PSME4: variants seen among roughly 807,000 people sequenced by gnomAD.
PSME4 encodes proteasome activator subunit 4, also known as proteasome activator complex subunit 4.
In PSME4, 89 loss-of-function variants were observed where a neutral mutation model predicts 253.9. That is an observed-to-expected ratio of 0.35 (90% CI 0.30 to 0.42). The LOEUF (loss-of-function observed/expected upper bound fraction) is 0.42, where lower values mean the gene tolerates loss of function less well. Among genes scored for constraint, PSME4 ranks in the 10% least tolerant of loss-of-function variants. The pLI, the probability that PSME4 is intolerant of heterozygous loss-of-function variation, is 1.00. For synonymous variants in PSME4, 851 were observed against 759.2 expected, an observed-to-expected ratio of 1.12 and a Z score of -1.99; for missense variants, 2,014 against 2,195.2, an observed-to-expected ratio of 0.92 and a Z score of 1.65.
At chr2:53,919,044 G>A (rs1008575550) in intron 20 of PSME4, 107 bp downstream of exon 20, 2 of 1,122,296 alleles carry the variant, frequency 1.8e-6, no homozygotes, top group East Asian at 2.7e-5. Context: ...AAATAAAAAG[G>A]TTAAAGTGAT....
chr2:53,901,316 A>G, intron 28 of PSME4, 34 bp downstream of exon 28: 3 of 1,551,636 alleles, frequency 1.9e-6, no homozygotes, highest in South Asian at 1.1e-5. Context: ...CAGGATTTAC[A>G]CTAAAACTTG....
intron 20 of PSME4, among the ~76,000 whole-genome samples, chr2:53,912,198 T>C (rs1667856825): frequency 6.6e-6 from 1 of 152,178 alleles, no homozygotes; most frequent in South Asian, 2.1e-4. Context: ...ATGAGAAATC[T>C]ACACATATGG....
In PSME4 at chr2:53,934,617, G is replaced by A. The variant is rs140717668; in HGVS notation, c.945C>T (p.Ile315=). 8 of 1,610,028 alleles carry A rather than the reference G, an allele frequency of 5.0e-6. No homozygotes were observed. The highest frequency in any genetic ancestry group is 1.3e-5 in the African/African-American group (1 of 74,852). ...AYDIGHAVIW[I]TAMMGGPSKL... ...ATGTATTACAAACCATCATGGCGGT[G>A]ATCCATATTACAGCATGTCCTATAT... is the stretch of plus-strand genomic sequence containing the variant. The change falls in exon 8 of 47, where the codon ATC becomes ATT. Residue 315 remains isoleucine (I), a synonymous_variant. Transcript: ENST00000404125.
intron 5 of PSME4, 81 bp from the exon 6 acceptor site, chr2:53,936,908 TCTATTATTCTTACTGATAACTACGTTAA>T (rs1669151199): frequency 2.2e-6 from 2 of 926,006 alleles, no homozygotes; most frequent in South Asian, 3.5e-5. Context: ...TTTTTTATAA[TCTATTATTCTTACTGATAACTACGTTAA>T]CTAGAAAAAA....
intron 38 of PSME4, 123 bp downstream of exon 38, chr2:53,888,598 C>A: frequency 1.6e-6 from 1 of 619,492 alleles, no homozygotes; most frequent in Admixed American, 2.6e-5. Context: ...GATCACATCA[C>A]CTTCCAGAAG....
chr2:53,908,671 T>C, intron 22 of PSME4, 106 bp from the exon 23 acceptor site: 1 of 1,444,658 alleles, frequency 6.9e-7, no homozygotes, highest in South Asian at 1.3e-5. Flanking sequence ...CACTGCCCAA[T>C]ATTCTCACCA....
At chr2:53,909,318 T>C (rs1667715063) in intron 21 of PSME4, among the ~76,000 whole-genome samples, 2 of 152,172 alleles carry the variant, frequency 1.3e-5, no homozygotes, top group African/African-American at 4.8e-5. Flanking sequence ...AAATTTCTAT[T>C]AGATTTAGAA....
chr2:53,925,853 T>C (rs948479986), intron 13 of PSME4, 106 bp downstream of exon 13: 6 of 1,276,224 alleles, frequency 4.7e-6, no homozygotes, highest in Non-Finnish European at 6.7e-6. Context: ...GGAGCACCAG[T>C]AGTAGCTAAA....
Position 53,908,418 on chromosome 2 carries a change from T to C in PSME4, c.2686A>G (p.Ile896Val). 1.9e-6 allele frequency: 3 copies of C among 1,613,034 alleles called. No homozygotes were observed. Among genetic ancestry groups the C allele is most frequent in the Non-Finnish European group, 2.5e-6 (3 of 1,179,460 alleles). Residue 896 changes from isoleucine (I) to valine (V), a missense_variant and splice_region_variant, in exon 24 of 47, where the codon ATT (isoleucine) becomes GTT (valine). By Grantham distance (29) the Ile-to-Val change is conservative (BLOSUM62 3). Transcript: ENST00000404125. ...TGGAATTGTAAAAGGTCTCCAATAA[T>C]CTGTGTCAAAGAATTTCAAATTGTA... ...DTKSLFLIIK[I>V]IGDLLQFQGS... is the part of the protein sequence containing the mutation.
chr2:53,937,431 G>A lies in PSME4; in HGVS notation c.655C>T (p.Pro219Ser), dbSNP rs1669175358. 6.2e-7 allele frequency: 1 copy of A among 1,609,234 alleles called. No individual in the cohort carries two copies. The change falls in exon 5 of 47, where the codon CCT becomes TCT. Residue 219 changes from proline to serine, a missense_variant. Physicochemically the swap from Pro to Ser is moderately conservative, Grantham distance 74. This residue lies in a region of PSME4 where 615 missense variants were observed against 594.4 expected (regional missense o/e 1.03). Transcript: ENST00000404125. ...KAITYFEIFL[P>S]TSLPPELHHK... Reference sequence around the variant, plus strand: ...TGAAGTTCTGGAGGAAGGGAGGTAGGAAGAAATATTTCAAAATAAGTGATG... The same window carrying A: ...TGAAGTTCTGGAGGAAGGGAGGTAGAAAGAAATATTTCAAAATAAGTGATG...
chr2:53,962,927 T>C (rs1341832596), intron 1 of PSME4, among the ~76,000 whole-genome samples: 4 of 151,944 alleles, frequency 2.6e-5, no homozygotes, highest in South Asian at 2.1e-4. Flanking sequence ...GGAAAATCAC[T>C]TGAACCCAGG....
At chr2:53,940,358 T>C (rs1396720394) in intron 3 of PSME4, among the ~76,000 whole-genome samples, 1 of 152,086 alleles carries the variant, frequency 6.6e-6, no homozygotes, top group Non-Finnish European at 1.5e-5. Context: ...AAAATACTTT[T>C]ACATCAAAAC....
rs1419969205 is a variant in PSME4, at chr2:53,874,253, C to A, written c.5100+86G>T. On this transcript the variant is annotated intron_variant, in intron 43 of 46. Coordinates refer to ENST00000404125, the MANE Select transcript of PSME4 (RefSeq NM_014614.3). ...GAGGTTATAAATATAAACAATTGCA[C>A]CTGGCCGCAAATACTTATTAAAAAG... 6 of 1,336,178 alleles carry A rather than the reference C, an allele frequency of 4.5e-6. No homozygotes were observed. The Admixed American group carries it at 1.3e-4, about 29-fold the overall frequency. 82.8% of individuals were successfully genotyped at this position (1,336,178 alleles called of 1,614,324 possible).
intron 1 of PSME4, among the ~76,000 whole-genome samples, chr2:53,966,166 T>C (rs1255824500): frequency 1.3e-5 from 2 of 151,968 alleles, no homozygotes; most frequent in Admixed American, 6.6e-5. Flanking sequence ...TCACCTGTAA[T>C]CCCAGCTACT....
intron 41 of PSME4, among the ~76,000 whole-genome samples, chr2:53,882,947 G>C (rs1486197730): frequency 2.6e-5 from 4 of 151,424 alleles, no homozygotes; most frequent in Non-Finnish European, 1.5e-5. Flanking sequence ...ACTATGAACA[G>C]TGGCTGTTAT....
Position 53,920,186 on chromosome 2 carries a change from A to G in PSME4, c.2420+7T>C. 1 of 1,590,288 alleles carries G rather than the reference A, an allele frequency of 6.3e-7. No homozygotes were observed. Among genetic ancestry groups the G allele is most frequent in the South Asian group, 1.2e-5 (1 of 86,658 alleles). Reference sequence around the variant, plus strand: ...CTGAATAACTCTAATTATAAAATAAAACCAACCTAGACATTTCAAGTTTTC... The same window carrying G: ...CTGAATAACTCTAATTATAAAATAAGACCAACCTAGACATTTCAAGTTTTC... On this transcript the variant is annotated splice_region_variant and intron_variant, in intron 19 of 46. Transcript: ENST00000404125.
rs755895147 is a variant in PSME4 at position 53,925,965 on chromosome 2, A to G, written c.1652T>C (p.Met551Thr). 7.4e-6 allele frequency: 12 copies of G among 1,612,840 alleles called. No individual in the cohort carries two copies. The highest frequency in any genetic ancestry group is 5.3e-5 in the African/African-American group (4 of 74,924). ...AEFEDFVLQF[M>T]DRCFGLIESS... is the part of the protein sequence containing the mutation. ...GTGTGGGTTACAAGCTCACCTGTCC[A>G]TAAACTGTAAGACGAAATCCTCAAA... is the stretch of plus-strand genomic sequence containing the variant. The change falls in exon 13 of 47, where the codon ATG becomes ACG. Residue 551 changes from methionine (M) to threonine (T), a missense_variant. This residue lies in a region of PSME4 where 989 missense variants were observed against 1,021.1 expected (regional missense o/e 0.97). Transcript: ENST00000404125.
At chr2:53,944,269 C>T (rs1558417156) in intron 3 of PSME4, among the ~76,000 whole-genome samples, 1 of 152,088 alleles carries the variant, frequency 6.6e-6, no homozygotes, top group South Asian at 2.1e-4. Context: ...AGTGATTCTC[C>T]TGCCTCAGCC....
chr2:53,913,024 C>A (rs1313869175), intron 20 of PSME4, among the ~76,000 whole-genome samples: 3 of 152,146 alleles, frequency 2.0e-5, no homozygotes, highest in African/African-American at 7.2e-5. Context: ...TCCATCACTA[C>A]CTCTCCCTTC....
Sources: gnomAD v4.1 joint callset for allele counts (sites outside exome capture counted in the v4.1 genomes callset) on GRCh38, gnomAD v4.1.1 for gene constraint, gnomAD v4.1.1 regional missense constraint, MANE v1.5 for transcripts, NCBI Gene and HGNC (gene_info 2026-07-23, HGNC 2026-07-21) for gene names.